Variants in AOPEP observed in about 807,000 individuals in gnomAD.
The protein encoded by AOPEP is aminopeptidase O (putative).
In AOPEP, 77 loss-of-function variants were observed where a neutral mutation model predicts 98.1. That is an observed-to-expected ratio of 0.78 (90% CI 0.65 to 0.95). AOPEP has a LOEUF of 0.95. AOPEP is among the 40% of genes least tolerant of loss of function. AOPEP has a pLI of 0.00. For synonymous variants in AOPEP, 346 were observed against 365.3 expected, an observed-to-expected ratio of 0.95 and a Z score of 0.60; for missense variants, 1,024 against 1,024.7, an observed-to-expected ratio of 1.00 and a Z score of 0.01.
At chr9:95,110,137 G>T in the AOPEP span, 1 of 559,740 alleles carries the variant, frequency 1.8e-6, no homozygotes. Flanking sequence ...GGCATCCCCT[G>T]AGGGAGAACT....
intron 14 of AOPEP, among the ~76,000 whole-genome samples, chr9:95,064,050 G>C (rs2067602254): frequency 6.6e-6 from 1 of 152,172 alleles, no homozygotes; most frequent in South Asian, 2.1e-4. Flanking sequence ...TGTAACCTTG[G>C]GAGGCTCCAC....
chr9:95,053,600 T>G lies in AOPEP; in HGVS notation c.2116-7094T>G, dbSNP rs191695915. ...ATTGGAGCTAGCAAATGTCACTGTT[T>G]GTAAATTAGGAACTCAGAATTATAA... On this transcript the variant is annotated intron_variant, in intron 13 of 16. Transcript: ENST00000375315. 9.2e-5 allele frequency among the ~76,000 whole-genome samples: 14 copies of G among 152,342 alleles called. No homozygotes were observed. In the East Asian group the frequency reaches 2.5e-3, roughly 27 times the overall value.
the AOPEP span, among the ~76,000 whole-genome samples, chr9:95,145,837 C>T: frequency 6.6e-6 from 1 of 152,134 alleles, no homozygotes; most frequent in African/African-American, 2.4e-5. Context: ...CATGCTTTAC[C>T]ACCGGAGAAC....
At chr9:94,923,961 G>A (rs1402921827) in intron 5 of AOPEP, 25 bp from the exon 6 acceptor site, 7 of 1,372,692 alleles carry the variant, frequency 5.1e-6, no homozygotes, top group Non-Finnish European at 6.7e-6. Flanking sequence ...AAGACTCTGT[G>A]CATTTTCTCC....
chr9:95,040,866 G>A (rs2065224935), intron 13 of AOPEP, among the ~76,000 whole-genome samples: 1 of 152,196 alleles, frequency 6.6e-6, no homozygotes, highest in Admixed American at 6.5e-5. Flanking sequence ...ATTGATCCAA[G>A]TGCAGATGAG....
downstream of AOPEP, among the ~76,000 whole-genome samples, chr9:95,087,927 T>A (rs1162475618): frequency 6.6e-6 from 1 of 152,162 alleles, no homozygotes; most frequent in African/African-American, 2.4e-5. Flanking sequence ...CTGGCCTGTT[T>A]GGGGTGAAGT....
At chr9:95,084,222 G>A (rs2070292780) in intron 16 of AOPEP, among the ~76,000 whole-genome samples, 1 of 152,122 alleles carries the variant, frequency 6.6e-6, no homozygotes, top group Admixed American at 6.5e-5. Flanking sequence ...TTTGAACATT[G>A]AGTTTTCTTC....
intron 5 of AOPEP, among the ~76,000 whole-genome samples, chr9:94,886,010 C>T (rs2048201715): frequency 6.6e-6 from 1 of 152,064 alleles, no homozygotes; most frequent in South Asian, 2.1e-4. Flanking sequence ...TCCATATTTA[C>T]TCTCTTGGTT....
the AOPEP span, among the ~76,000 whole-genome samples, chr9:95,121,924 C>T: frequency 6.7e-6 from 1 of 149,890 alleles, no homozygotes; most frequent in African/African-American, 2.5e-5. Flanking sequence ...GTGGCGCAAT[C>T]TCAGCTCACT....
At chr9:95,111,487 C>G in the AOPEP span, 1 of 1,613,696 alleles carries the variant, frequency 6.2e-7, no homozygotes, top group African/African-American at 1.3e-5. Flanking sequence ...TCTGCTGCCT[C>G]CCATCACGGG....
the AOPEP span, among the ~76,000 whole-genome samples, chr9:95,138,594 T>G: frequency 6.6e-6 from 1 of 152,158 alleles, no homozygotes; most frequent in African/African-American, 2.4e-5. Flanking sequence ...TTTTTCAGGA[T>G]CCATGTAACA....
At position 94,932,011 on chromosome 9, in the gene AOPEP, G is replaced by A. The variant is rs958262248; in HGVS notation, c.1661+3480G>A. 2.4e-5 allele frequency: 29 copies of A among 1,202,998 alleles called. No individual in the cohort carries two copies. In the East Asian group the frequency reaches 3.3e-4, roughly 14 times the overall value. 74.5% of individuals were successfully genotyped at this position (1,202,998 alleles called of 1,614,324 possible). Reference sequence around the variant, plus strand: ...CCAAGGCTCAGAAAGACTGAATAACGTGTCTAACCTCCTCTAGCTGATAAA... The same window carrying A: ...CCAAGGCTCAGAAAGACTGAATAACATGTCTAACCTCCTCTAGCTGATAAA... On this transcript the variant is annotated intron_variant, in intron 7 of 16. Coordinates refer to ENST00000375315, the MANE Select transcript of AOPEP (RefSeq NM_001193329.3).
chr9:95,005,178 C>G lies in AOPEP; in HGVS notation c.1998C>G (p.Arg666=). 2.6e-6 allele frequency: 3 copies of G among 1,152,172 alleles called. No homozygotes were observed. The highest frequency in any genetic ancestry group is 3.2e-6 in the Non-Finnish European group (3 of 933,038). The allele number at this position is 1,152,172 out of a possible 1,614,324, so 71.4% of individuals were successfully genotyped here. A position where few individuals can be genotyped will look rare whatever the true frequency, so the allele number is the denominator to read the frequency against. Residue 666 remains arginine (R), a synonymous_variant, in exon 12 of 17, where the codon CGC becomes CGG. Coordinates refer to ENST00000375315, the MANE Select transcript of AOPEP (RefSeq NM_001193329.3). ...CGCAGCCGCTGCAGAGGGAGCGTCG[C>G]GCCGGGGCGGAGTGCGGGCTTGCGC... The part of the protein sequence containing the change: ...GIPKPLQRER[R]AGAECGLARQ...
intron 13 of AOPEP, among the ~76,000 whole-genome samples, chr9:95,048,291 G>A (rs1485350560): frequency 6.6e-6 from 1 of 152,228 alleles, no homozygotes; most frequent in Non-Finnish European, 1.5e-5. Context: ...AGGAGAAATT[G>A]CTACAGCTAT....
chr9:95,107,317 G>A, the AOPEP span: 1 of 1,571,532 alleles, frequency 6.4e-7, no homozygotes, highest in South Asian at 1.1e-5. Flanking sequence ...AGGCAGGACA[G>A]ACATACTTCT....
the AOPEP span, among the ~76,000 whole-genome samples, chr9:95,138,323 T>G: frequency 6.6e-6 from 1 of 152,182 alleles, no homozygotes; most frequent in Non-Finnish European, 1.5e-5. Flanking sequence ...CCAGACGCCG[T>G]GCCTGTGCTT....
chr9:94,866,187 A>G lies in AOPEP; in HGVS notation c.1365-57799A>G, dbSNP rs190433771. ...AAGAGCCATGTGGCTCAAGGGGGAG[A>G]TGGACATGCGTGCCCTTTTCAAGTT... On this transcript the variant is annotated intron_variant, in intron 5 of 16. Coordinates refer to ENST00000375315, the MANE Select transcript of AOPEP (RefSeq NM_001193329.3). Among the ~76,000 whole-genome samples, 9 of 152,332 alleles carry G rather than the reference A, an allele frequency of 5.9e-5. No individual in the cohort carries two copies. The East Asian group carries it at 1.7e-3, about 29-fold the overall frequency.
the AOPEP span, chr9:95,117,180 G>T: frequency 1.3e-6 from 1 of 792,232 alleles, no homozygotes. Context: ...GGATCCTGGG[G>T]GCTTAAAGGG....
At position 95,080,716 on chromosome 9, in the gene AOPEP, T is replaced by G; in HGVS notation, c.2255T>G (p.Leu752Arg). The G allele has an allele frequency of 6.2e-7, 1 of 1,613,878 alleles. No homozygotes were observed. The highest frequency in any genetic ancestry group is 8.5e-7 in the Non-Finnish European group (1 of 1,179,960). The change falls in exon 15 of 17, where the codon CTC becomes CGC. Residue 752 changes from leucine (L) to arginine (R), a missense_variant. Around this residue, in one of 3 missense-constraint regions of AOPEP, gnomAD observed 566 missense variants for 551.7 expected, o/e 1.03. Coordinates refer to ENST00000375315, the MANE Select transcript of AOPEP (RefSeq NM_001193329.3). ...DAEVRHRWCELIVKHKFTKAY... is the reference protein window; with the variant it reads ...DAEVRHRWCERIVKHKFTKAY... ...CAGGTTCGCCATCGGTGGTGTGAAC[T>G]CATTGTTAAGCACAAGTTCACGAAA...
Sources: allele counts gnomAD v4.1 joint callset (sites outside exome capture counted in the v4.1 genomes callset), GRCh38; gene constraint gnomAD v4.1.1; regional missense constraint gnomAD v4.1.1; transcripts MANE v1.5; gene names NCBI Gene and HGNC (gene_info 2026-07-23, HGNC 2026-07-21).